WFDC9: variants seen among roughly 807,000 people sequenced by gnomAD.
The protein encoded by WFDC9 is protein WFDC9.
A neutral mutation model predicts 9.5 loss-of-function variants in WFDC9; 9 were observed. That is an observed-to-expected ratio of 0.95 (90% confidence interval 0.57 to 1.65). The LOEUF is 1.65. WFDC9 is among the 40% of genes most tolerant of loss of function. The pLI is 0.00. For synonymous variants in WFDC9, 33 were observed against 32.3 expected, an observed-to-expected ratio of 1.02 and a Z score of -0.07; for missense variants, 87 against 106.7, an observed-to-expected ratio of 0.82 and a Z score of 0.81.
chr20:45,625,170 G>A (rs907160356), intron 1 of WFDC9, among the ~76,000 whole-genome samples: 10 of 152,176 alleles, frequency 6.6e-5, no homozygotes, highest in Non-Finnish European at 1.2e-4. Context: ...CGTCCTACAT[G>A]GTGGCAGGAG....
intron 1 of WFDC9, among the ~76,000 whole-genome samples, chr20:45,623,831 T>C (rs3092658): frequency 0.58 from 88,785 of 151,904 alleles, 26,969 homozygotes; most frequent in East Asian, 0.98. Flanking sequence ...CTTATGTATG[T>C]TCATCCTACA....
intron 2 of WFDC9, among the ~76,000 whole-genome samples, chr20:45,612,568 G>C (rs1981884550): frequency 6.6e-6 from 1 of 152,028 alleles, no homozygotes; most frequent in South Asian, 2.1e-4. Flanking sequence ...CTAGAGTATG[G>C]GAACAGCAGA....
intron 1 of WFDC9, chr20:45,629,715 G>C (rs1384805413): frequency 8.3e-6 from 12 of 1,451,964 alleles, no homozygotes; most frequent in Non-Finnish European, 1.0e-5. Flanking sequence ...AGGAGCTAAA[G>C]ATCATTCCTT....
chr20:45,609,813 G>GT (rs1333221686), intron 3 of WFDC9, among the ~76,000 whole-genome samples: 4 of 152,114 alleles, frequency 2.6e-5, no homozygotes, highest in African/African-American at 9.7e-5. Context: ...CTCTGTGTTG[G>GT]TTTTTCCTCT....
At chr20:45,610,632 A>G in intron 2 of WFDC9, among the ~76,000 whole-genome samples, 1 of 152,224 alleles carries the variant, frequency 6.6e-6, no homozygotes, top group East Asian at 1.9e-4. Flanking sequence ...TTTTATTTTG[A>G]AGCATATGAA....
Position 45,610,127 on chromosome 20 carries a change from G to A in WFDC9, c.55C>T (p.Leu19=). 1 of 1,614,078 alleles carries A rather than the reference G, an allele frequency of 6.2e-7. No homozygotes were observed. Among genetic ancestry groups the A allele is most frequent in the Non-Finnish European group, 8.5e-7 (1 of 1,179,990 alleles). ...TTCCAGAAGCTTCCCAGCACAGGCAGAAGCATCACAACTCCAGAGATGAAC... is the reference window on the plus strand; with the variant it reads ...TTCCAGAAGCTTCCCAGCACAGGCAAAAGCATCACAACTCCAGAGATGAAC... ...VMFISGVVML[L]PVLGSFWNKD... Residue 19 remains leucine, a synonymous_variant, in exon 3 of 5, where the codon CTG becomes TTG. Transcript: ENST00000326000.
chr20:45,621,311 T>C (rs1206885472), intron 1 of WFDC9, among the ~76,000 whole-genome samples: 2 of 152,252 alleles, frequency 1.3e-5, no homozygotes, highest in African/African-American at 4.8e-5. Context: ...ATGATTATAA[T>C]AGATATTGGT....
At chr20:45,630,924 T>C (rs566096442) in intron 1 of WFDC9, 1 of 1,612,456 alleles carries the variant, frequency 6.2e-7, no homozygotes, top group East Asian at 2.2e-5. Flanking sequence ...AAACTATATC[T>C]ATGCAAACAC....
intron 4 of WFDC9, 113 bp from the exon 5 acceptor site, chr20:45,608,253 G>A (rs899033522): frequency 3.2e-6 from 4 of 1,248,312 alleles, no homozygotes; most frequent in South Asian, 1.3e-5. Context: ...TGCTAAATCA[G>A]AAGTTACCCA....
chr20:45,625,552 T>C (rs1450861157), intron 1 of WFDC9, among the ~76,000 whole-genome samples: 3 of 152,194 alleles, frequency 2.0e-5, no homozygotes, highest in Non-Finnish European at 4.4e-5. Flanking sequence ...GAAAATGTCC[T>C]GAAGTATTTC....
intron 2 of WFDC9, among the ~76,000 whole-genome samples, chr20:45,610,603 C>T (rs1981839872): frequency 6.6e-6 from 1 of 152,130 alleles, no homozygotes; most frequent in African/African-American, 2.4e-5. Context: ...TGAAATTGGA[C>T]ACATCAAGTG....
At chr20:45,622,508 C>T (rs1481090209) in intron 1 of WFDC9, among the ~76,000 whole-genome samples, 2 of 152,150 alleles carry the variant, frequency 1.3e-5, no homozygotes, top group East Asian at 1.9e-4. Context: ...CCTCTCGCTT[C>T]CACATACCTT....
chr20:45,629,831 G>T, intron 1 of WFDC9: 1 of 1,613,920 alleles, frequency 6.2e-7, no homozygotes, highest in Non-Finnish European at 8.5e-7. Context: ...CCCAGACTCT[G>T]CTGCCTGTCC....
chr20:45,619,054 T>G (rs1487328), intron 1 of WFDC9, among the ~76,000 whole-genome samples: 54,301 of 152,052 alleles, frequency 0.36, 9,828 homozygotes, highest in Middle Eastern at 0.43. Context: ...CCAGTACAGA[T>G]ACAAAGAGCT....
At chr20:45,620,750 G>A (rs1027526533) in intron 1 of WFDC9, among the ~76,000 whole-genome samples, 4 of 152,030 alleles carry the variant, frequency 2.6e-5, no homozygotes, top group Non-Finnish European at 4.4e-5. Flanking sequence ...TGTCTAAATT[G>A]TGTCATGTCC....
intron 1 of WFDC9, among the ~76,000 whole-genome samples, chr20:45,620,398 C>G (rs1009202103): frequency 3.3e-5 from 5 of 152,060 alleles, no homozygotes; most frequent in Non-Finnish European, 5.9e-5. Context: ...TCAAGACCAG[C>G]CTGGCCAACA....
At chr20:45,611,861 G>A (rs1030613300) in intron 2 of WFDC9, among the ~76,000 whole-genome samples, 1 of 152,132 alleles carries the variant, frequency 6.6e-6, no homozygotes, top group Non-Finnish European at 1.5e-5. Flanking sequence ...TTCTACTCTA[G>A]GCTATACAAA....
intron 1 of WFDC9, among the ~76,000 whole-genome samples, chr20:45,627,936 G>A (rs6094184): frequency 0.17 from 26,591 of 152,056 alleles, 2,499 homozygotes; most frequent in East Asian, 0.32. Context: ...AGAAAAATGT[G>A]TTCCTCTAGT....
chr20:45,611,073 G>A (rs989038380), intron 2 of WFDC9, among the ~76,000 whole-genome samples: 2 of 152,196 alleles, frequency 1.3e-5, no homozygotes, highest in East Asian at 3.9e-4. Flanking sequence ...ACTGCAAATG[G>A]CCAGACGACA....
Sources: allele counts gnomAD v4.1 joint callset (sites outside exome capture counted in the v4.1 genomes callset), GRCh38; gene constraint gnomAD v4.1.1; transcripts MANE v1.5; gene names NCBI Gene and HGNC (gene_info 2026-07-23, HGNC 2026-07-21).